FHIT: variants seen among roughly 807,000 people sequenced by gnomAD.
FHIT encodes bis(5'-adenosyl)-triphosphatase.
FHIT carries 19 observed loss-of-function variants against 17.9 expected under a neutral mutation model. That is an observed-to-expected ratio of 1.06 (90% confidence interval 0.74 to 1.56). FHIT has a LOEUF of 1.56. Ranked by LOEUF, FHIT falls within the 40% of genes most tolerant of loss-of-function variation. The pLI, the probability that FHIT is intolerant of heterozygous loss-of-function variation, is 0.00. For synonymous variants in FHIT, 81 were observed against 69.7 expected (o/e 1.16, Z -0.81); for missense variants, 248 against 189.2 (o/e 1.31, Z -1.82).
At chr3:60,364,626 T>C (rs1037154506) in intron 5 of FHIT, among the ~76,000 whole-genome samples, 3 of 152,260 alleles carry the variant, frequency 2.0e-5, no homozygotes, top group Admixed American at 6.5e-5. Context: ...GTGTACATGC[T>C]GGTTCATTCT....
intron 8 of FHIT, among the ~76,000 whole-genome samples, chr3:59,907,625 G>T (rs930325367): frequency 6.6e-6 from 1 of 152,210 alleles, no homozygotes. Context: ...GTGTGCACTG[G>T]GGCAGGGTGT....
chr3:61,170,710 T>C (rs1413472342), intron 2 of FHIT, among the ~76,000 whole-genome samples: 1 of 152,232 alleles, frequency 6.6e-6, no homozygotes, highest in Non-Finnish European at 1.5e-5. Context: ...GATCTTGTTC[T>C]TTTTTTGGCT....
chr3:60,290,813 CA>C (rs1450497947), intron 5 of FHIT, among the ~76,000 whole-genome samples: 2 of 151,974 alleles, frequency 1.3e-5, no homozygotes, highest in African/African-American at 2.4e-5. Context: ...AGAGATCTGA[CA>C]CAATAGCAGA....
At position 59,902,708 on chromosome 3, in the gene FHIT, C is replaced by T. The variant is rs191459560; in HGVS notation, c.348+19638G>A. ...TAAGCCAGACACAGAAAGAAAACTA[C>T]TGCATGATCTTACTTAGATGTGTAA... On this transcript the variant is annotated intron_variant, in intron 8 of 9. Coordinates refer to ENST00000492590, the MANE Select transcript of FHIT (RefSeq NM_002012.4). Among the ~76,000 whole-genome samples, 8 of 152,296 alleles carry T rather than the reference C, an allele frequency of 5.3e-5. No homozygotes were observed. In the East Asian group the frequency reaches 1.3e-3, roughly 26 times the overall value.
intron 2 of FHIT, among the ~76,000 whole-genome samples, chr3:61,126,274 G>A (rs1474412599): frequency 3.9e-5 from 6 of 152,246 alleles, no homozygotes; most frequent in African/African-American, 1.2e-4. Flanking sequence ...TTGTCTTCAT[G>A]CCTTTGGGGT....
chr3:60,219,003 T>C (rs2107529912), intron 5 of FHIT, among the ~76,000 whole-genome samples: 1 of 152,288 alleles, frequency 6.6e-6, no homozygotes, highest in South Asian at 2.1e-4. Context: ...AAGGCTCTCA[T>C]GAAGCACTGG....
chr3:60,409,420 G>A (rs995578969), intron 5 of FHIT, among the ~76,000 whole-genome samples: 2 of 152,152 alleles, frequency 1.3e-5, no homozygotes, highest in African/African-American at 2.4e-5. Context: ...GGCATCATTT[G>A]GTTTACCAGA....
At chr3:60,815,953 T>A (rs1701726340) in intron 4 of FHIT, among the ~76,000 whole-genome samples, 1 of 152,138 alleles carries the variant, frequency 6.6e-6, no homozygotes, top group South Asian at 2.1e-4. Flanking sequence ...TTCATCTCCT[T>A]GGTTAGATGT....
intron 5 of FHIT, among the ~76,000 whole-genome samples, chr3:60,329,914 A>G (rs1223095483): frequency 6.6e-6 from 1 of 152,244 alleles, no homozygotes; most frequent in Non-Finnish European, 1.5e-5. Flanking sequence ...TATGGTAAGT[A>G]AATGCTCCTG....
At chr3:60,120,656 T>G (rs915136629) in intron 5 of FHIT, among the ~76,000 whole-genome samples, 35 of 152,096 alleles carry the variant, frequency 2.3e-4, no homozygotes, top group African/African-American at 8.0e-4. Flanking sequence ...AAGGAAGTAT[T>G]TGAACAGCCT....
chr3:61,249,553 C>T (rs2106960664), intron 1 of FHIT, among the ~76,000 whole-genome samples: 1 of 152,268 alleles, frequency 6.6e-6, no homozygotes, highest in South Asian at 2.1e-4. Context: ...GACTGTTAAG[C>T]AGAAGGGCTT....
intron 1 of FHIT, among the ~76,000 whole-genome samples, chr3:61,232,170 G>A (rs997035453): frequency 3.3e-5 from 5 of 152,152 alleles, no homozygotes; most frequent in African/African-American, 7.2e-5. Flanking sequence ...GATCACTTGA[G>A]GCCAGGAGTT....
At chr3:60,913,777 T>C (rs189950637) in intron 3 of FHIT, among the ~76,000 whole-genome samples, 2 of 152,302 alleles carry the variant, frequency 1.3e-5, no homozygotes, top group African/African-American at 2.4e-5. Context: ...CTGACCTGGC[T>C]GGGACAGTTG....
chr3:60,430,951 C>T (rs570227741), intron 5 of FHIT, among the ~76,000 whole-genome samples: 13 of 152,198 alleles, frequency 8.5e-5, no homozygotes, highest in Admixed American at 7.9e-4. Flanking sequence ...GTGGCTCACA[C>T]CTGCAACCCC....
At chr3:61,116,695 G>A (rs1017581654) in intron 2 of FHIT, among the ~76,000 whole-genome samples, 3 of 152,098 alleles carry the variant, frequency 2.0e-5, no homozygotes, top group African/African-American at 7.2e-5. Context: ...GAAAGTTAAA[G>A]TATCTTTCAA....
At chr3:60,787,958 G>T (rs1263971544) in intron 4 of FHIT, among the ~76,000 whole-genome samples, 1 of 152,172 alleles carries the variant, frequency 6.6e-6, no homozygotes, top group Admixed American at 6.5e-5. Context: ...AGTACAAGAA[G>T]AATATGATGT....
At chr3:60,671,198 A>G (rs1553693727) in intron 4 of FHIT, among the ~76,000 whole-genome samples, 3 of 152,220 alleles carry the variant, frequency 2.0e-5, no homozygotes, top group African/African-American at 7.2e-5. Flanking sequence ...CCTTGATAAA[A>G]GCTTTCAAAA....
chr3:60,479,234 C>T (rs190880398), intron 5 of FHIT, among the ~76,000 whole-genome samples: 3 of 152,246 alleles, frequency 2.0e-5, no homozygotes, highest in East Asian at 3.9e-4. Flanking sequence ...TGCAGTGATG[C>T]CCAAAAGCAT....
intron 4 of FHIT, among the ~76,000 whole-genome samples, chr3:60,692,367 G>A (rs2041011600): frequency 6.6e-6 from 1 of 152,184 alleles, no homozygotes; most frequent in African/African-American, 2.4e-5. Flanking sequence ...GAAAATTAAG[G>A]TAGCAGATAG....
Sources: gnomAD v4.1 joint callset for allele counts (sites outside exome capture counted in the v4.1 genomes callset) on GRCh38, gnomAD v4.1.1 for gene constraint, MANE v1.5 for transcripts, NCBI Gene and HGNC (gene_info 2026-07-23, HGNC 2026-07-21) for gene names.